The following SYTL5 variants were observed in gnomAD, a reference collection of about 807,000 sequenced individuals.
The protein encoded by SYTL5 is synaptotagmin like 5.
In SYTL5, 34 loss-of-function variants were observed where a neutral mutation model predicts 55.9. The ratio of observed to expected loss-of-function variants is 0.61; its 90% CI spans 0.46 to 0.81. The LOEUF (loss-of-function observed/expected upper bound fraction) is 0.81, where lower values mean the gene tolerates loss of function less well. SYTL5 is among the 30% of genes least tolerant of loss of function. The probability of loss-of-function intolerance (pLI) is 0.00; values close to 1 mark genes in which losing one functional copy is unlikely to be tolerated. For missense variants in SYTL5, 637 were observed against 546.7 expected (o/e 1.17, Z -1.65); for synonymous variants, 221 against 188.7 (o/e 1.17, Z -1.40).
At chrX:38,059,931 T>C (rs1289094375) in intron 3 of SYTL5, among the ~76,000 whole-genome samples, 1 of 111,428 alleles carries the variant, frequency 9.0e-6, no homozygotes, top group Non-Finnish European at 1.9e-5. Flanking sequence ...GTCATTTATA[T>C]TCCATGTTTG....
the SYTL5 span, among the ~76,000 whole-genome samples, chrX:37,967,427 C>T: frequency 1.8e-5 from 2 of 111,746 alleles, no homozygotes; most frequent in African/African-American, 6.5e-5. Context: ...CTCTGATACT[C>T]TAATTGAATT....
chrX:38,111,139 T>C (rs1173688481), intron 13 of SYTL5, among the ~76,000 whole-genome samples: 1 of 111,784 alleles, frequency 8.9e-6, no homozygotes, highest in Non-Finnish European at 1.9e-5. Flanking sequence ...TGAGTAAAGG[T>C]CACATTTATG....
At chrX:38,044,676 C>T (rs1435670111) in intron 2 of SYTL5, among the ~76,000 whole-genome samples, 1 of 111,763 alleles carries the variant, frequency 8.9e-6, no homozygotes, top group Non-Finnish European at 1.9e-5. Context: ...AGAAATGCAG[C>T]TTTCCTACTT....
At chrX:37,913,349 A>G in the SYTL5 span, among the ~76,000 whole-genome samples, 1 of 112,391 alleles carries the variant, frequency 8.9e-6, no homozygotes, top group Non-Finnish European at 1.9e-5. Flanking sequence ...CAAGTACCTA[A>G]TATTTGATCT....
At chrX:38,103,150 C>A in intron 10 of SYTL5, 1 of 869,808 alleles carries the variant, frequency 1.1e-6, no homozygotes, top group Non-Finnish European at 1.6e-6. Context: ...ATTTCATGGT[C>A]TGGGAACTAT....
intron 2 of SYTL5, among the ~76,000 whole-genome samples, chrX:38,048,234 A>G (rs146406217): frequency 0.032 from 3,459 of 109,199 alleles, 138 homozygotes; most frequent in African/African-American, 0.11. Context: ...AGTTCCCAAC[A>G]AGTTCCTCAT....
At chrX:37,914,405 T>C in the SYTL5 span, among the ~76,000 whole-genome samples, 2 of 111,871 alleles carry the variant, frequency 1.8e-5, no homozygotes, top group African/African-American at 6.5e-5. Context: ...ATTAACCATT[T>C]CTCTATGCAA....
chrX:38,029,241 T>C (rs1934876437), intron 1 of SYTL5, among the ~76,000 whole-genome samples: 1 of 112,091 alleles, frequency 8.9e-6, no homozygotes, highest in Non-Finnish European at 1.9e-5. Context: ...CACAAGACTT[T>C]CCCAACTCAC....
chrX:37,893,638 AT>A, the SYTL5 span, among the ~76,000 whole-genome samples: 1 of 75,931 alleles, frequency 1.3e-5, no homozygotes, highest in Non-Finnish European at 2.2e-5. Flanking sequence ...TATATATATA[AT>A]TATATATAAT....
chrX:37,939,715 T>C, the SYTL5 span: 2 of 112,375 alleles, frequency 1.8e-5, no homozygotes, highest in African/African-American at 6.5e-5. Context: ...TTTCCAAAAC[T>C]GTGTCTAAAA....
At chrX:38,024,143 A>G in intron 1 of SYTL5, among the ~76,000 whole-genome samples, 1 of 109,914 alleles carries the variant, frequency 9.1e-6, no homozygotes, top group South Asian at 4.0e-4. Context: ...CCCCACCCTA[A>G]TCTCTTGAAT....
At chrX:38,050,681 G>T (rs1239646458) in intron 2 of SYTL5, among the ~76,000 whole-genome samples, 1 of 111,386 alleles carries the variant, frequency 9.0e-6, no homozygotes, top group Non-Finnish European at 1.9e-5. Flanking sequence ...AGTCAATATA[G>T]GTTAAGTGAT....
At chrX:37,894,253 A>T in the SYTL5 span, among the ~76,000 whole-genome samples, 2 of 111,593 alleles carry the variant, frequency 1.8e-5, no homozygotes, top group African/African-American at 6.5e-5. Flanking sequence ...AGCATCTGTG[A>T]TCCTTATTGT....
chrX:38,005,261 G>A (rs991390828), upstream of SYTL5, among the ~76,000 whole-genome samples: 10 of 111,019 alleles, frequency 9.0e-5, no homozygotes, highest in African/African-American at 2.6e-4. Flanking sequence ...CTCCTCAGAG[G>A]GAGATAGCAG....
the SYTL5 span, among the ~76,000 whole-genome samples, chrX:37,999,508 G>A: frequency 8.9e-6 from 1 of 111,957 alleles, no homozygotes; most frequent in African/African-American, 3.3e-5. Flanking sequence ...ATGGTTGGGA[G>A]TTATTTGCAT....
At chrX:38,043,906 A>C (rs1935381384) in intron 2 of SYTL5, among the ~76,000 whole-genome samples, 1 of 108,470 alleles carries the variant, frequency 9.2e-6, no homozygotes, top group Non-Finnish European at 1.9e-5. Context: ...GTGTTTCTTA[A>C]CTATTTATTC....
At chrX:37,915,164 GC>G in the SYTL5 span, among the ~76,000 whole-genome samples, 1 of 111,478 alleles carries the variant, frequency 9.0e-6, no homozygotes, top group Non-Finnish European at 1.9e-5. Flanking sequence ...GTGTGCGCGC[GC>G]ATGCACGTGC....
At chrX:38,059,621 G>A (rs1935887408) in intron 3 of SYTL5, among the ~76,000 whole-genome samples, 1 of 111,591 alleles carries the variant, frequency 9.0e-6, no homozygotes, top group Non-Finnish European at 1.9e-5. Context: ...ATATTTTATG[G>A]ATAGTGTAAA....
At chrX:38,013,089 A>G (rs899917176) in intron 1 of SYTL5, among the ~76,000 whole-genome samples, 1 of 112,376 alleles carries the variant, frequency 8.9e-6, no homozygotes, top group Non-Finnish European at 1.9e-5. Flanking sequence ...TGCATTAGCC[A>G]TGTTCAAGAA....
Sources: gnomAD v4.1 joint callset for allele counts (sites outside exome capture counted in the v4.1 genomes callset) on GRCh38, gnomAD v4.1.1 for gene constraint, MANE v1.5 for transcripts, NCBI Gene and HGNC (gene_info 2026-07-23, HGNC 2026-07-21) for gene names.